Variants in GRIK1 observed in about 807,000 individuals in gnomAD.
The protein encoded by GRIK1 is glutamate receptor ionotropic, kainate 1.
In GRIK1, 69 loss-of-function variants were observed where a neutral mutation model predicts 105.7. That is an observed-to-expected ratio of 0.65 (90% CI 0.54 to 0.80). The LOEUF is 0.80. GRIK1 is among the 30% of genes least tolerant of loss of function. The pLI, the probability that GRIK1 is intolerant of heterozygous loss-of-function variation, is 0.00. For synonymous variants in GRIK1, 438 were observed against 431.3 expected (o/e 1.02, Z -0.19); for missense variants, 1,109 against 1,167.3 (o/e 0.95, Z 0.73).
chr21:29,789,582 A>G (rs140024448), intron 1 of GRIK1, among the ~76,000 whole-genome samples: 3 of 152,276 alleles, frequency 2.0e-5, no homozygotes, highest in South Asian at 2.1e-4. Flanking sequence ...TGACCTTTGA[A>G]TTGCTTTCAT....
chr21:29,593,470 T>C (rs2061361009), intron 9 of GRIK1, among the ~76,000 whole-genome samples: 2 of 152,184 alleles, frequency 1.3e-5, no homozygotes, highest in African/African-American at 4.8e-5. Context: ...CAGGGACCCT[T>C]GCTTCTAGGA....
rs139005404 is a variant in GRIK1 at position 29,684,652 on chromosome 21, C to A, written c.544+5076G>T. Among the ~76,000 whole-genome samples the A allele has an allele frequency of 3.6e-3, 543 of 152,200 alleles. 5 individuals are homozygous for A. Among genetic ancestry groups the A allele is most frequent in the African/African-American group, 0.012 (519 of 41,528 alleles). ...CCTCCCGAGTAGTTGGGACTACAGG[C>A]GCCCGCCACCACGCCAGGCTAATTT... On this transcript the variant is annotated intron_variant, in intron 3 of 17. Coordinates refer to ENST00000327783, the MANE Select transcript of GRIK1 (RefSeq NM_001330994.2).
chr21:29,778,158 C>T (rs1436995928), intron 1 of GRIK1, among the ~76,000 whole-genome samples: 3 of 152,086 alleles, frequency 2.0e-5, no homozygotes, highest in Admixed American at 6.6e-5. Context: ...ATTTAGTATA[C>T]ATGTTTTGTC....
intron 1 of GRIK1, among the ~76,000 whole-genome samples, chr21:29,933,299 T>C (rs2071636160): frequency 6.6e-6 from 1 of 152,178 alleles, no homozygotes; most frequent in South Asian, 2.1e-4. Flanking sequence ...TGTATGGTCA[T>C]GTGACTTTGG....
chr21:29,746,438 A>G (rs528542640), intron 1 of GRIK1, among the ~76,000 whole-genome samples: 1 of 152,262 alleles, frequency 6.6e-6, no homozygotes, highest in African/African-American at 2.4e-5. Flanking sequence ...CACAATTTGA[A>G]CAAAGAACTG....
intron 14 of GRIK1, 38 bp downstream of exon 14, chr21:29,576,926 A>C: frequency 9.1e-7 from 1 of 1,093,080 alleles, no homozygotes. Flanking sequence ...TACCACAAGT[A>C]TCAGATAATC....
chr21:29,560,363 T>TTCTTTC (rs2090394039), intron 15 of GRIK1, among the ~76,000 whole-genome samples: 1 of 47,802 alleles, frequency 2.1e-5, no homozygotes, highest in African/African-American at 8.8e-5. Flanking sequence ...TTCTTTTTCT[T>TTCTTTC]TCTTCCTTCC....
chr21:29,781,422 C>T (rs1165747682), intron 1 of GRIK1, among the ~76,000 whole-genome samples: 2 of 152,042 alleles, frequency 1.3e-5, no homozygotes, highest in Non-Finnish European at 2.9e-5. Context: ...CATGCAATAT[C>T]CCTCTTTATA....
At chr21:29,581,619 G>T in intron 12 of GRIK1, 76 bp from the exon 13 acceptor site, 1 of 793,248 alleles carries the variant, frequency 1.3e-6, no homozygotes, top group Non-Finnish European at 2.2e-6. Context: ...AACCTGCTGA[G>T]CAATGCAGAA....
chr21:29,655,477 G>A (rs1219636737), intron 4 of GRIK1, among the ~76,000 whole-genome samples: 1 of 151,956 alleles, frequency 6.6e-6, no homozygotes, highest in Non-Finnish European at 1.5e-5. Context: ...ACAGGGTTTT[G>A]TCTTTCCCAC....
At chr21:29,930,626 C>T (rs1240533180) in intron 1 of GRIK1, among the ~76,000 whole-genome samples, 1 of 152,314 alleles carries the variant, frequency 6.6e-6, no homozygotes, top group South Asian at 2.1e-4. Context: ...ACAATGCTTG[C>T]ATCAATATTC....
chr21:29,724,795 G>A (rs1601537069), intron 1 of GRIK1, among the ~76,000 whole-genome samples: 2 of 152,132 alleles, frequency 1.3e-5, no homozygotes, highest in East Asian at 3.9e-4. Flanking sequence ...CCTAAGTGCC[G>A]CTTCTCACAT....
At chr21:29,586,272 TA>T (rs1440180059) in intron 12 of GRIK1, among the ~76,000 whole-genome samples, 1 of 152,222 alleles carries the variant, frequency 6.6e-6, no homozygotes, top group Non-Finnish European at 1.5e-5. Context: ...ATTGAATGTA[TA>T]AATACCCACA....
chr21:29,780,958 C>G (rs1442425282), intron 1 of GRIK1, among the ~76,000 whole-genome samples: 1 of 152,104 alleles, frequency 6.6e-6, no homozygotes, highest in East Asian at 1.9e-4. Context: ...ATTATACCAA[C>G]CCCTCAACCT....
Position 29,597,725 on chromosome 21 carries a change from T to C in GRIK1, c.1206+1105A>G, listed in dbSNP as rs189110494. ...TAACCTGCATGTATAATGTGTACTC[T>C]CAAAACTGCAAACAAATTATTTTCC... On this transcript the variant is annotated intron_variant, in intron 8 of 17. Transcript: ENST00000327783. 1.5e-5 allele frequency: 6 copies of C among 399,296 alleles called. No homozygotes were observed. In the East Asian group the frequency reaches 3.8e-4, roughly 25 times the overall value. The allele number at this position is 399,296 out of a possible 1,614,324, so 24.7% of individuals were successfully genotyped here.
intron 1 of GRIK1, among the ~76,000 whole-genome samples, chr21:29,897,601 G>A (rs578223727): frequency 6.6e-6 from 1 of 152,260 alleles, no homozygotes; most frequent in Admixed American, 6.5e-5. Context: ...AAACAAATTT[G>A]AAAAGCTGCA....
chr21:29,663,244 G>A (rs1281937244), intron 4 of GRIK1, among the ~76,000 whole-genome samples: 1 of 152,160 alleles, frequency 6.6e-6, no homozygotes. Context: ...AAATTCTGCT[G>A]GAGTTTGAGA....
intron 9 of GRIK1, among the ~76,000 whole-genome samples, chr21:29,593,321 GT>G (rs1415157201): frequency 6.6e-6 from 1 of 152,130 alleles, no homozygotes; most frequent in African/African-American, 2.4e-5. Context: ...AGGATCTAGT[GT>G]GATAAATATC....
intron 1 of GRIK1, among the ~76,000 whole-genome samples, chr21:29,724,800 T>A (rs2064412473): frequency 6.6e-6 from 1 of 152,196 alleles, no homozygotes; most frequent in Admixed American, 6.5e-5. Flanking sequence ...GTGCCGCTTC[T>A]CACATCCTTG....
Sources: allele counts gnomAD v4.1 joint callset (sites outside exome capture counted in the v4.1 genomes callset), GRCh38; gene constraint gnomAD v4.1.1; transcripts MANE v1.5; gene names NCBI Gene and HGNC (gene_info 2026-07-23, HGNC 2026-07-21).